MAD1L1: variants seen among roughly 807,000 people sequenced by gnomAD.
MAD1L1 encodes mitotic spindle assembly checkpoint protein MAD1.
Under a neutral mutation model 96.9 loss-of-function variants are expected in MAD1L1, and 95 were observed. The ratio of observed to expected loss-of-function variants is 0.98; its 90% CI spans 0.83 to 1.16. The LOEUF is 1.16. Ranked by LOEUF, MAD1L1 falls within the 50% of genes most tolerant of loss-of-function variation. MAD1L1 has a pLI of 0.00. For synonymous variants in MAD1L1, 473 were observed against 396.6 expected (o/e 1.19, Z -2.29); for missense variants, 1,007 against 954.4 (o/e 1.06, Z -0.73).
intron 10 of MAD1L1, among the ~76,000 whole-genome samples, chr7:2,205,111 T>TTTTTTTTTTC (rs1792531892): frequency 6.7e-6 from 1 of 149,316 alleles, no homozygotes; most frequent in Non-Finnish European, 1.5e-5. Flanking sequence ...TTTTTTTGCT[T>TTTTTTTTTTC]ATTCTAATAC....
intron 11 of MAD1L1, among the ~76,000 whole-genome samples, chr7:2,100,829 A>G (rs1033178363): frequency 6.6e-6 from 1 of 152,238 alleles, no homozygotes; most frequent in African/African-American, 2.4e-5. Context: ...GCCCAAGGCC[A>G]AGCCCCAGCG....
chr7:2,220,289 G>A (rs1483121527), intron 5 of MAD1L1, among the ~76,000 whole-genome samples: 5 of 152,174 alleles, frequency 3.3e-5, no homozygotes, highest in African/African-American at 1.2e-4. Context: ...GCAGCCTCCA[G>A]GACAGCAGGT....
intron 12 of MAD1L1, among the ~76,000 whole-genome samples, chr7:2,043,028 C>T (rs1584166312): frequency 1.3e-5 from 2 of 152,106 alleles, no homozygotes; most frequent in East Asian, 3.9e-4. Flanking sequence ...AAAACACAGC[C>T]CTGCACTTAG....
chr7:1,962,041 G>A (rs111864122), intron 15 of MAD1L1, among the ~76,000 whole-genome samples: 4,325 of 150,340 alleles, frequency 0.029, 193 homozygotes, highest in African/African-American at 0.1. Flanking sequence ...ATCACAGGGC[G>A]GTTTCCCCCA....
chr7:2,049,917 C>T lies in MAD1L1; in HGVS notation c.1218+19277G>A, dbSNP rs377360331. Reference sequence around the variant, plus strand: ...GTTCACAGGGCACCTCACCCAACATCTGCGGACACCAGACCACACGTTCAC... The same window carrying T: ...GTTCACAGGGCACCTCACCCAACATTTGCGGACACCAGACCACACGTTCAC... On this transcript the variant is annotated intron_variant, in intron 12 of 18. Coordinates refer to ENST00000265854, the MANE Select transcript of MAD1L1 (RefSeq NM_001013836.2). Among the ~76,000 whole-genome samples, 16 of 150,852 alleles carry T rather than the reference C, an allele frequency of 1.1e-4. No homozygotes were observed. The East Asian group carries it at 2.2e-3, about 20-fold the overall frequency.
rs2128624751 is a variant in MAD1L1, at chr7:1,827,735, C to CCTCCCTTCCTGAGCCCGTCCCGGG, written c.1999-11508_1999-11507insCCCGGGACGGGCTCAGGAAGGGAG. 1.1e-4 allele frequency among the ~76,000 whole-genome samples: 2 copies of CCTCCCTTCCTGAGCCCGTCCCGGG among 18,314 alleles called. 1 individual carries two copies. The highest frequency in any genetic ancestry group is 8.8e-4 in the African/African-American group (2 of 2,262). 12.0% of individuals were successfully genotyped at this position (18,314 alleles called of 152,430 possible). ...GCCTCCCCTCCTGAGCCCTGCGTGG[C>CCTCCCTTCCTGAGCCCGTCCCGGG]TGTGGGGTCCTCCCCTCCTGAGCCC... On this transcript the variant is annotated intron_variant, in intron 18 of 18. Transcript: ENST00000265854.
chr7:2,115,210 G>A (rs1413029853), intron 11 of MAD1L1, among the ~76,000 whole-genome samples: 2 of 152,208 alleles, frequency 1.3e-5, no homozygotes, highest in African/African-American at 4.8e-5. Flanking sequence ...AGCAATTCCC[G>A]CATGTTCCGG....
intron 14 of MAD1L1, among the ~76,000 whole-genome samples, chr7:1,990,667 G>A (rs749048441): frequency 3.3e-5 from 5 of 152,258 alleles, no homozygotes; most frequent in African/African-American, 4.8e-5. Flanking sequence ...TGGAGGAACC[G>A]GGGCCTCACC....
intron 14 of MAD1L1, among the ~76,000 whole-genome samples, chr7:1,993,527 C>A (rs1781436837): frequency 6.6e-6 from 1 of 152,192 alleles, no homozygotes; most frequent in African/African-American, 2.4e-5. Flanking sequence ...GTGGCACTGG[C>A]CCAGATAGAA....
At chr7:2,210,455 AGGAG>A (rs1792865944) in intron 10 of MAD1L1, among the ~76,000 whole-genome samples, 1 of 132,254 alleles carries the variant, frequency 7.6e-6, no homozygotes, top group Non-Finnish European at 1.7e-5. Context: ...TGGACTCTCT[AGGAG>A]CCGTATTCGG....
chr7:2,011,583 C>T (rs1185009396), intron 13 of MAD1L1, among the ~76,000 whole-genome samples: 1 of 152,188 alleles, frequency 6.6e-6, no homozygotes, highest in African/African-American at 2.4e-5. Context: ...GACCTGGTCC[C>T]GCTGAGGCAG....
At chr7:2,217,303 A>T (rs1054285973) in intron 7 of MAD1L1, among the ~76,000 whole-genome samples, 1 of 152,212 alleles carries the variant, frequency 6.6e-6, no homozygotes, top group Non-Finnish European at 1.5e-5. Context: ...AAACACTAAC[A>T]GAGTCCATCG....
rs116223407 is a variant in MAD1L1, at chr7:1,919,538, G to A, written c.1807+17149C>T. On this transcript the variant is annotated intron_variant, in intron 17 of 18. Coordinates refer to ENST00000265854, the MANE Select transcript of MAD1L1 (RefSeq NM_001013836.2). ...GCCACTTTTGTTTCTCTACCCACCA[G>A]CCTGGCTCAGCTTCTACCAAATGGG... Among the ~76,000 whole-genome samples, 1,213 of 152,346 alleles carry A rather than the reference G, an allele frequency of 8.0e-3. 15 individuals are homozygous for A. Among genetic ancestry groups the A allele is most frequent in the African/African-American group, 0.028 (1,175 of 41,588 alleles).
At chr7:2,093,027 G>T (rs1416902270) in intron 11 of MAD1L1, among the ~76,000 whole-genome samples, 1 of 151,760 alleles carries the variant, frequency 6.6e-6, no homozygotes, top group African/African-American at 2.4e-5. Flanking sequence ...CACGAGGTCA[G>T]GAGTTCAAGA....
intron 1 of MAD1L1, among the ~76,000 whole-genome samples, chr7:2,232,152 C>G (rs1002228164): frequency 6.6e-6 from 1 of 152,236 alleles, no homozygotes; most frequent in African/African-American, 2.4e-5. Context: ...GCCGGCCCAC[C>G]AGCCACAACT....
At chr7:2,039,336 G>A (rs1444120393) in intron 12 of MAD1L1, among the ~76,000 whole-genome samples, 4 of 152,168 alleles carry the variant, frequency 2.6e-5, no homozygotes, top group African/African-American at 7.2e-5. Context: ...GTCCTCTGTC[G>A]GGTTTTGTCC....
chr7:2,150,652 T>C lies in MAD1L1; in HGVS notation c.987-1414A>G, dbSNP rs1024766600. 3.3e-5 allele frequency among the ~76,000 whole-genome samples: 5 copies of C among 152,360 alleles called. No individual in the cohort carries two copies. In the East Asian group the frequency reaches 9.6e-4, roughly 29 times the overall value. ...TTGCCCAGCATTAGTTTGGTGTTTC[T>C]GGAGTGTCTTCCATCACTGGAACAA... On this transcript the variant is annotated intron_variant, in intron 10 of 18. Transcript: ENST00000265854.
chr7:2,059,973 G>A (rs969091944), intron 12 of MAD1L1, among the ~76,000 whole-genome samples: 2 of 152,186 alleles, frequency 1.3e-5, no homozygotes, highest in African/African-American at 4.8e-5. Flanking sequence ...AACTTGCTGA[G>A]AGAAATTAAA....
chr7:2,178,173 T>G (rs1791031716), intron 10 of MAD1L1, among the ~76,000 whole-genome samples: 1 of 152,218 alleles, frequency 6.6e-6, no homozygotes, highest in Non-Finnish European at 1.5e-5. Context: ...CTACAACAAT[T>G]TGTTGAACTC....
Sources: gnomAD v4.1 joint callset for allele counts (sites outside exome capture counted in the v4.1 genomes callset) on GRCh38, gnomAD v4.1.1 for gene constraint, MANE v1.5 for transcripts, NCBI Gene and HGNC (gene_info 2026-07-23, HGNC 2026-07-21) for gene names.